The following LRRC49 variants were observed in gnomAD, a reference collection of about 807,000 sequenced individuals.
LRRC49 encodes leucine-rich repeat-containing protein 49.
Under a neutral mutation model 83.3 loss-of-function variants are expected in LRRC49, and 50 were observed. The observed-to-expected ratio is 0.60, with a 90% CI of 0.48 to 0.76. The LOEUF (loss-of-function observed/expected upper bound fraction) is 0.76, where lower values mean the gene tolerates loss of function less well. LRRC49 is among the 30% of genes least tolerant of loss of function. The pLI is 0.00. For synonymous variants in LRRC49, 286 were observed against 283.3 expected (o/e 1.01, Z -0.10); for missense variants, 704 against 809.1 (o/e 0.87, Z 1.58).
At chr15:70,977,332 G>A (rs2037240867) in intron 9 of LRRC49, among the ~76,000 whole-genome samples, 1 of 152,080 alleles carries the variant, frequency 6.6e-6, no homozygotes. Context: ...CCTCTATTTA[G>A]TTTTTAAAAG....
rs148288196 is a variant in LRRC49 at position 71,042,777 on chromosome 15, G to C, written c.1857+5445G>C. Among the ~76,000 whole-genome samples the C allele has an allele frequency of 6.8e-4, 103 of 152,272 alleles. 1 individual carries two copies. The East Asian group carries it at 0.019, about 28-fold the overall frequency. Reference sequence around the variant, plus strand: ...CCTGACTCATCTAAAAAAGATTTAAGATGGACATAGAATCAGAGTGCTGAA... The same window carrying C: ...CCTGACTCATCTAAAAAAGATTTAACATGGACATAGAATCAGAGTGCTGAA... On this transcript the variant is annotated intron_variant, in intron 15 of 15. Transcript: ENST00000260382.
rs1175974937 is a variant in LRRC49, at chr15:70,897,708, C to T, written c.193+1772C>T. ...ATCATAGCCTGTCCACAAAAATTAA[C>T]CAGTGGTACTCTCAGTCAAAAGTAA... is the stretch of plus-strand genomic sequence containing the variant. On this transcript the variant is annotated intron_variant, in intron 3 of 15. Transcript: ENST00000260382. Among the ~76,000 whole-genome samples the T allele has an allele frequency of 3.3e-5, 5 of 152,222 alleles. No individual in the cohort carries two copies. In the East Asian group the frequency reaches 9.6e-4, roughly 29 times the overall value.
At chr15:71,016,777 A>G (rs2038839676) in intron 14 of LRRC49, among the ~76,000 whole-genome samples, 1 of 152,126 alleles carries the variant, frequency 6.6e-6, no homozygotes, top group Admixed American at 6.6e-5. Context: ...ATCAGAAAAT[A>G]CACCTTATAA....
At chr15:71,013,092 C>T (rs2038711000) in intron 14 of LRRC49, among the ~76,000 whole-genome samples, 179 bp downstream of exon 14, 1 of 152,044 alleles carries the variant, frequency 6.6e-6, no homozygotes, top group African/African-American at 2.4e-5. Context: ...TCTCGTATGG[C>T]TTATAGTCTA....
chr15:70,882,961 T>C, intron 2 of LRRC49: 1 of 1,578,540 alleles, frequency 6.3e-7, no homozygotes, highest in Non-Finnish European at 8.6e-7. Context: ...TATAGGATTT[T>C]ATCTTTCAAA....
In LRRC49 at chr15:70,911,624, T is replaced by C. The variant is rs556887104; in HGVS notation, c.567+26T>C. 39 of 1,418,510 alleles carry C rather than the reference T, an allele frequency of 2.7e-5. No individual in the cohort carries two copies. In the South Asian group the frequency reaches 5.0e-4, roughly 18 times the overall value. 87.9% of individuals were successfully genotyped at this position (1,418,510 alleles called of 1,614,324 possible). A position where few individuals can be genotyped will look rare whatever the true frequency, so the allele number is the denominator to read the frequency against. On this transcript the variant is annotated intron_variant, in intron 6 of 15. Transcript: ENST00000260382. ...GTATTGTAAAGCCCTTTCATTTCTTTCTTTTTTGAAAAAAAGTCCAGGAAA... is the reference window on the plus strand; with the variant it reads ...GTATTGTAAAGCCCTTTCATTTCTTCCTTTTTTGAAAAAAAGTCCAGGAAA...
chr15:71,017,400 A>T (rs2038860233), intron 14 of LRRC49, among the ~76,000 whole-genome samples: 1 of 152,074 alleles, frequency 6.6e-6, no homozygotes, highest in Non-Finnish European at 1.5e-5. Context: ...GCTCACAAAC[A>T]TTTTTACAGT....
chr15:70,880,049 TTA>T (rs2033231118), intron 2 of LRRC49, among the ~76,000 whole-genome samples: 1 of 152,168 alleles, frequency 6.6e-6, no homozygotes. Context: ...GCCTCATTCA[TTA>T]TCTCTAGCCA....
At chr15:70,976,340 A>AG (rs748527329) in intron 9 of LRRC49, among the ~76,000 whole-genome samples, 66 of 152,328 alleles carry the variant, frequency 4.3e-4, no homozygotes, top group Admixed American at 6.5e-4. Flanking sequence ...CACCTCTTTG[A>AG]GGGAAAAAAC....
chr15:70,887,786 G>A (rs181837035), upstream of LRRC49, among the ~76,000 whole-genome samples: 34 of 152,134 alleles, frequency 2.2e-4, 1 homozygote, highest in African/African-American at 6.3e-4. Flanking sequence ...AATATCAAAC[G>A]CTTTTCTCAG....
chr15:70,941,893 A>G (rs906370336), intron 8 of LRRC49, among the ~76,000 whole-genome samples: 1 of 152,182 alleles, frequency 6.6e-6, no homozygotes, highest in African/African-American at 2.4e-5. Context: ...TCTTTAATGG[A>G]CATTATGAGT....
Position 71,022,320 on chromosome 15 carries a change from T to C in LRRC49, c.1703+9407T>C, listed in dbSNP as rs538657308. Among the ~76,000 whole-genome samples, 5 of 151,992 alleles carry C rather than the reference T, an allele frequency of 3.3e-5. No individual in the cohort carries two copies. The East Asian group carries it at 7.8e-4, about 24-fold the overall frequency. On this transcript the variant is annotated intron_variant, in intron 14 of 15. Transcript: ENST00000260382. ...CCCAGGAGGCAGAGGTTGCAGTGAG[T>C]TGAGATTGTGCAACTGCACCCCAGC...
chr15:71,013,059 G>A (rs1280220723), intron 14 of LRRC49, 146 bp downstream of exon 14: 1 of 583,398 alleles, frequency 1.7e-6, no homozygotes. Context: ...GGGATCTTAA[G>A]ATAAATAAGA....
chr15:71,008,447 T>C lies in LRRC49; in HGVS notation c.1238T>C (p.Val413Ala). The change falls in exon 12 of 16, where the codon GTG (valine) becomes GCG (alanine). Residue 413 changes from valine (V) to alanine (A), a missense_variant. By Grantham distance (64) the Val-to-Ala change is moderately conservative. Transcript: ENST00000260382. ...LSVIDTYLVE[V>A]DGDTLSLYGS... is the part of the protein sequence containing the mutation. ...GTCATAGACACATACCTTGTTGAAG[T>C]GGACGGGGATACACTTTCCCTATAT... 1 of 1,613,024 alleles carries C rather than the reference T, an allele frequency of 6.2e-7. No individual in the cohort carries two copies. Among genetic ancestry groups the C allele is most frequent in the Non-Finnish European group, 8.5e-7 (1 of 1,179,230 alleles).
chr15:71,048,544 T>G (rs1431570131), intron 15 of LRRC49, among the ~76,000 whole-genome samples: 1 of 152,242 alleles, frequency 6.6e-6, no homozygotes, highest in East Asian at 1.9e-4. Context: ...TGATGTGCAT[T>G]ACTTCCCTTG....
chr15:71,026,160 A>C (rs532666461), intron 14 of LRRC49, among the ~76,000 whole-genome samples: 1 of 151,778 alleles, frequency 6.6e-6, no homozygotes, highest in African/African-American at 2.4e-5. Flanking sequence ...GAGTGAGAAC[A>C]TGCAGTGTTT....
chr15:70,866,637 C>T (rs1000387282), intron 1 of LRRC49, among the ~76,000 whole-genome samples: 5 of 152,070 alleles, frequency 3.3e-5, no homozygotes, highest in African/African-American at 1.2e-4. Context: ...ACTTCTAAGT[C>T]CTCAGGGTCT....
At chr15:71,044,248 C>A (rs1352396282) in intron 15 of LRRC49, among the ~76,000 whole-genome samples, 2 of 152,172 alleles carry the variant, frequency 1.3e-5, no homozygotes, top group Non-Finnish European at 2.9e-5. Flanking sequence ...CCATTTGTTG[C>A]TTATCACACA....
intron 1 of LRRC49, among the ~76,000 whole-genome samples, chr15:70,856,337 AGGAATTTT>A (rs994863569): frequency 3.9e-5 from 6 of 152,142 alleles, no homozygotes; most frequent in African/African-American, 1.4e-4. Context: ...CTCCTCATAA[AGGAATTTT>A]GGATCTAGAA....
Sources: gnomAD v4.1 joint callset for allele counts (sites outside exome capture counted in the v4.1 genomes callset) on GRCh38, gnomAD v4.1.1 for gene constraint, MANE v1.5 for transcripts, NCBI Gene and HGNC (gene_info 2026-07-23, HGNC 2026-07-21) for gene names.